Variants in CCDC85A observed in about 807,000 individuals in gnomAD.
CCDC85A encodes coiled-coil domain-containing protein 85A.
Under a neutral mutation model 50.2 loss-of-function variants are expected in CCDC85A, and 38 were observed. That is an observed-to-expected ratio of 0.76 (90% CI 0.58 to 0.99). The LOEUF is 0.99. CCDC85A is among the 50% of genes least tolerant of loss of function. CCDC85A has a pLI of 0.00. For synonymous variants in CCDC85A, 366 were observed against 301.4 expected, an observed-to-expected ratio of 1.21 and a Z score of -2.22; for missense variants, 820 against 742.0, an observed-to-expected ratio of 1.11 and a Z score of -1.22.
intron 2 of CCDC85A, among the ~76,000 whole-genome samples, chr2:56,208,674 C>T (rs1677053498): frequency 6.6e-6 from 1 of 152,028 alleles, no homozygotes; most frequent in Admixed American, 6.6e-5. Flanking sequence ...TTATAGGCTT[C>T]AGGCTAATGT....
At chr2:56,267,217 A>G (rs1017241704) in intron 2 of CCDC85A, among the ~76,000 whole-genome samples, 1 of 152,040 alleles carries the variant, frequency 6.6e-6, no homozygotes, top group African/African-American at 2.4e-5. Context: ...CCCAGACCCC[A>G]CGCTCTTGCC....
At chr2:56,200,438 G>C (rs1676686491) in intron 2 of CCDC85A, among the ~76,000 whole-genome samples, 1 of 152,192 alleles carries the variant, frequency 6.6e-6, no homozygotes, top group African/African-American at 2.4e-5. Flanking sequence ...TCGATATCAA[G>C]AGTAGACTAC....
intron 2 of CCDC85A, among the ~76,000 whole-genome samples, chr2:56,275,131 G>C (rs994013106): frequency 6.7e-6 from 1 of 149,394 alleles, no homozygotes; most frequent in Non-Finnish European, 1.5e-5. Context: ...AGTGGGGGTC[G>C]GGGGGGAATT....
At chr2:56,364,528 C>T (rs1388272421) in intron 3 of CCDC85A, among the ~76,000 whole-genome samples, 4 of 152,128 alleles carry the variant, frequency 2.6e-5, no homozygotes, top group Non-Finnish European at 5.9e-5. Flanking sequence ...TTTCACATGT[C>T]AGGAGAAAAC....
chr2:56,242,899 T>C (rs1181266055), intron 2 of CCDC85A, among the ~76,000 whole-genome samples: 1 of 152,126 alleles, frequency 6.6e-6, no homozygotes, highest in Non-Finnish European at 1.5e-5. Flanking sequence ...GTTTGAGGTA[T>C]TAGACTTAAG....
intron 2 of CCDC85A, among the ~76,000 whole-genome samples, chr2:56,331,678 C>T (rs541620304): frequency 6.6e-6 from 1 of 152,152 alleles, no homozygotes; most frequent in East Asian, 1.9e-4. Flanking sequence ...TTTAGATGTT[C>T]ATTTATTTAT....
rs70955014 is a variant in CCDC85A, at chr2:56,269,334, G to GGTGTGTGTGT, written c.1241-73526_1241-73517dup. ...GCACACTACCATACTCCTTGGCAAG[G>GGTGTGTGTGT]GTGTGTGTGTGTGTGTGTGTGTGTG... On this transcript the variant is annotated intron_variant, in intron 2 of 5. Transcript: ENST00000407595. Among the ~76,000 whole-genome samples, 1,296 of 149,286 alleles carry GGTGTGTGTGT rather than the reference G, an allele frequency of 8.7e-3. 27 individuals are homozygous for GGTGTGTGTGT. The highest frequency in any genetic ancestry group is 0.013 in the Admixed American group (190 of 14,978).
At chr2:56,206,876 T>G (rs1676984143) in intron 2 of CCDC85A, among the ~76,000 whole-genome samples, 1 of 152,194 alleles carries the variant, frequency 6.6e-6, no homozygotes, top group Non-Finnish European at 1.5e-5. Flanking sequence ...TATGCTGAAT[T>G]ACTGGAGAGT....
chr2:56,342,960 G>C lies in CCDC85A; in HGVS notation c.1317+5G>C. ...GAAAATCGCATGCTGCCCCAGGTGG[G>C]TGACTTCCAGAAGCTCATAGCTAGT... On this transcript the variant is annotated splice_donor_5th_base_variant and intron_variant, in intron 3 of 5. Transcript: ENST00000407595. The C allele has an allele frequency of 1.3e-6, 2 of 1,582,710 alleles. No homozygotes were observed. Among genetic ancestry groups the C allele is most frequent in the South Asian group, 2.3e-5 (2 of 86,664 alleles).
chr2:56,301,832 G>A (rs148034143), intron 2 of CCDC85A, among the ~76,000 whole-genome samples: 168 of 152,214 alleles, frequency 1.1e-3, no homozygotes, highest in African/African-American at 3.8e-3. Context: ...GGGAGGGAGA[G>A]CATTAGGACA....
chr2:56,210,909 C>A (rs990826133), intron 2 of CCDC85A, among the ~76,000 whole-genome samples: 4 of 152,002 alleles, frequency 2.6e-5, no homozygotes, highest in African/African-American at 9.7e-5. Flanking sequence ...GCAGAGTGGT[C>A]ACAGAAACCT....
intron 2 of CCDC85A, among the ~76,000 whole-genome samples, chr2:56,283,391 A>G (rs890933630): frequency 1.3e-5 from 2 of 152,112 alleles, no homozygotes; most frequent in African/African-American, 2.4e-5. Flanking sequence ...TTTCTTCTTT[A>G]TTACACTAAA....
chr2:56,337,707 A>C (rs1573291148), intron 2 of CCDC85A, among the ~76,000 whole-genome samples: 1 of 151,922 alleles, frequency 6.6e-6, no homozygotes, highest in Admixed American at 6.6e-5. Context: ...TTTAGTACTA[A>C]ATTTCAAATT....
At chr2:56,218,368 A>G (rs796385974) in intron 2 of CCDC85A, among the ~76,000 whole-genome samples, 61 of 152,006 alleles carry the variant, frequency 4.0e-4, no homozygotes, top group African/African-American at 1.4e-3. Context: ...TAATAGGTAT[A>G]CATTGTAGCA....
At chr2:56,348,891 GT>G (rs1674761867) in intron 3 of CCDC85A, among the ~76,000 whole-genome samples, 1 of 152,052 alleles carries the variant, frequency 6.6e-6, no homozygotes. Context: ...TTTGCCTTTT[GT>G]TTGTTTTAGT....
intron 3 of CCDC85A, among the ~76,000 whole-genome samples, chr2:56,353,507 T>C (rs1055146478): frequency 3.3e-5 from 5 of 152,230 alleles, no homozygotes; most frequent in East Asian, 1.9e-4. Flanking sequence ...AAATAAAAGC[T>C]TGGGCTCATG....
chr2:56,277,135 C>A (rs969165214), intron 2 of CCDC85A, among the ~76,000 whole-genome samples: 3 of 152,108 alleles, frequency 2.0e-5, no homozygotes, highest in Admixed American at 2.0e-4. Flanking sequence ...AGCTCAGCAG[C>A]TTAAATGAGG....
chr2:56,340,766 C>A (rs1674322419), intron 2 of CCDC85A, among the ~76,000 whole-genome samples: 1 of 150,172 alleles, frequency 6.7e-6, no homozygotes, highest in African/African-American at 2.5e-5. Context: ...ATCCCAACTG[C>A]TAGGGAGGCT....
intron 2 of CCDC85A, among the ~76,000 whole-genome samples, chr2:56,300,597 T>C (rs1672157483): frequency 6.6e-6 from 1 of 152,214 alleles, no homozygotes; most frequent in Non-Finnish European, 1.5e-5. Context: ...AATGCCCTTG[T>C]ATGCTTAGGC....
Sources: gnomAD v4.1 joint callset for allele counts (sites outside exome capture counted in the v4.1 genomes callset) on GRCh38, gnomAD v4.1.1 for gene constraint, MANE v1.5 for transcripts, NCBI Gene and HGNC (gene_info 2026-07-23, HGNC 2026-07-21) for gene names.